ATG9B: variants seen among roughly 807,000 people sequenced by gnomAD.
The protein encoded by ATG9B is autophagy related 9B.
A neutral mutation model predicts 92.9 loss-of-function variants in ATG9B; 92 were observed. That is an observed-to-expected ratio of 0.99 (90% CI 0.84 to 1.18). The LOEUF is 1.18. ATG9B is among the 50% of genes most tolerant of loss of function. ATG9B has a pLI of 0.00. For missense variants in ATG9B, 1,344 were observed against 1,235.0 expected, an observed-to-expected ratio of 1.09 and a Z score of -1.32; for synonymous variants, 599 against 551.4, an observed-to-expected ratio of 1.09 and a Z score of -1.21.
chr7:151,014,003 G>A (rs370804544), downstream of ATG9B: 92 of 1,611,724 alleles, frequency 5.7e-5, no homozygotes, highest in Non-Finnish European at 1.6e-5. Context: ...GCTCTTTTCC[G>A]ACAGGATCAG....
intron 10 of ATG9B, 58 bp from the exon 11 acceptor site, chr7:151,016,585 G>GGAC: frequency 6.5e-7 from 1 of 1,545,244 alleles, no homozygotes. Context: ...ACACCCCAGA[G>GGAC]GACTCCCCTT....
At position 151,022,990 on chromosome 7, in the gene ATG9B, T is replaced by C. The variant is rs538111765; in HGVS notation, c.821+55A>G. 2.0e-5 allele frequency: 32 copies of C among 1,607,516 alleles called. No individual in the cohort carries two copies. In the East Asian group the frequency reaches 6.9e-4, roughly 35 times the overall value. On this transcript the variant is annotated intron_variant, in intron 4 of 13. Coordinates refer to ENST00000639579, the MANE Select transcript of ATG9B (RefSeq NM_001317056.2). ...GGGACAAAGTGGGGCTCCCGTCTAC[T>C]CCTCTACCCACTGCCCATGCTTCAC... is the stretch of plus-strand genomic sequence containing the variant.
At chr7:151,021,775 G>C (rs1278413290) in intron 4 of ATG9B, among the ~76,000 whole-genome samples, 1 of 151,536 alleles carries the variant, frequency 6.6e-6, no homozygotes, top group African/African-American at 2.4e-5. Flanking sequence ...TCAGCCTCCA[G>C]GGTAGCTGGG....
rs139237488 is a variant in ATG9B at position 151,017,075 on chromosome 7, G to T, written c.2250C>A (p.Pro750=). 2 of 1,606,728 alleles carry T rather than the reference G, an allele frequency of 1.2e-6. No homozygotes were observed. The highest frequency in any genetic ancestry group is 1.3e-5 in the African/African-American group (1 of 74,726). ...AAWGATSARG[P]STPGVLSNCT... is the part of the protein sequence containing the mutation. ...AGTTGCTGAGCACCCCCGGGGTGGA[G>T]GGGCCGCGAGCCGAGGTGGCACCCC... The change falls in exon 9 of 14, where the codon CCC becomes CCA. Residue 750 remains proline, a synonymous_variant. Transcript: ENST00000639579.
chr7:151,015,012 G>C (rs1224607585), downstream of ATG9B: 2 of 152,176 alleles, frequency 1.3e-5, no homozygotes, highest in Non-Finnish European at 2.9e-5. Context: ...CACGCCACTT[G>C]ACCCTGCACT....
chr7:151,022,551 TA>T (rs1416503748), intron 4 of ATG9B, among the ~76,000 whole-genome samples: 2 of 151,670 alleles, frequency 1.3e-5, no homozygotes, highest in African/African-American at 4.8e-5. Flanking sequence ...GCACTGTAAT[TA>T]AGATACACTT....
rs1201360311 is a variant in ATG9B at position 151,016,732 on chromosome 7, T to A, written c.2379A>T (p.Thr793=). ...GGGAAATGGAGGCAAGGAGGCTGGC[T>A]GTGGCCGCAGCTGGACAGGGGGCTG... ...SPTAPCPAAA[T]ASLLASISRI... is the part of the protein sequence containing the mutation. The change falls in exon 10 of 14, where the codon ACA becomes ACT. Residue 793 remains threonine, a synonymous_variant. Transcript: ENST00000639579. 4 of 1,611,532 alleles carry A rather than the reference T, an allele frequency of 2.5e-6. No individual in the cohort carries two copies. The highest frequency in any genetic ancestry group is 3.3e-5 in the Admixed American group (2 of 59,780).
Position 151,024,104 on chromosome 7 carries a change from G to C in ATG9B, c.320C>G (p.Pro107Arg). 1 of 1,606,184 alleles carries C rather than the reference G, an allele frequency of 6.2e-7. No individual in the cohort carries two copies. The highest frequency in any genetic ancestry group is 8.5e-7 in the Non-Finnish European group (1 of 1,176,400). Residue 107 changes from proline to arginine, a missense_variant, in exon 1 of 14, where the codon CCT (proline) becomes CGT (arginine). Coordinates refer to ENST00000639579, the MANE Select transcript of ATG9B (RefSeq NM_001317056.2). ...PPTQAQPAMTPASASPSWGSH... is the reference protein window; with the variant it reads ...PPTQAQPAMTRASASPSWGSH... ...TCCCCAGGAGGGAGATGCAGAGGCAGGTGTCATTGCAGGTTGAGCCTGTGT... is the reference window on the plus strand; with the variant it reads ...TCCCCAGGAGGGAGATGCAGAGGCACGTGTCATTGCAGGTTGAGCCTGTGT...
Position 151,017,232 on chromosome 7 carries a change from C to G in ATG9B, c.2093G>C (p.Arg698Pro), listed in dbSNP as rs759302035. Reference protein sequence around the residue: ...AGQTEASLSQRAEDGKTELSL... With the variant: ...AGQTEASLSQPAEDGKTELSL... The stretch of plus-strand genomic sequence containing the variant: ...AAGCTCAGTCTTGCCGTCCTCCGCA[C>G]GCTGAGACAGCGAGGCCTCAGTCTG... The change falls in exon 9 of 14, where the codon CGT (arginine) becomes CCT (proline). Residue 698 changes from arginine to proline, a missense_variant. Arg to Pro is a moderately radical substitution (Grantham distance 103). Transcript: ENST00000639579. 12 of 1,608,296 alleles carry G rather than the reference C, an allele frequency of 7.5e-6. No individual in the cohort carries two copies. In the South Asian group the frequency reaches 1.2e-4, roughly 16 times the overall value.
downstream of ATG9B, chr7:151,013,840 GC>G (rs777795197): frequency 6.2e-7 from 1 of 1,605,884 alleles, no homozygotes. Flanking sequence ...CCAACGTCCT[GC>G]AGACCGTGCA....
rs201470938 is a variant in ATG9B at position 151,018,208 on chromosome 7, CCAGACAGACCCTCCGCG to C, written c.1872+69_1872+85del. On this transcript the variant is annotated intron_variant, in intron 7 of 13. Transcript: ENST00000639579. This position sits in a 1 kb window ranked among gnomAD's most constrained non-coding sequence, Gnocchi z 4.7. ...TAGTCCGTTTGTCTCATGCCCTCTCCCAGACAGACCCTCCGCGCAGACAGACCCTCCGCGCAGACAGA... is the reference window on the plus strand; with the variant it reads ...TAGTCCGTTTGTCTCATGCCCTCTCCCAGACAGACCCTCCGCGCAGACAGA... 4.7e-3 allele frequency: 7,073 copies of C among 1,493,152 alleles called. 88 individuals are homozygous for C. The highest frequency in any genetic ancestry group is 0.044 in the African/African-American group (3,141 of 70,924). The allele number at this position is 1,493,152 out of a possible 1,614,324, so 92.5% of individuals were successfully genotyped here. A position where few individuals can be genotyped will look rare whatever the true frequency, so the allele number is the denominator to read the frequency against.
At chr7:151,012,596 C>G, downstream of ATG9B, 1 of 1,238,938 alleles carries the variant, frequency 8.1e-7, no homozygotes, top group Non-Finnish European at 1.1e-6. Context: ...GCTGAAAAGA[C>G]GCTCATGAGA....
Position 151,015,882 on chromosome 7 carries a change from C to T in ATG9B, c.*14G>A. ...TCCCCTCACAGGAGGCAATACTGAC[C>T]CTGAGGAGTCGTCTCAGTCAGTGCA... On this transcript the variant is annotated splice_region_variant and 3_prime_UTR_variant, in exon 13 of 14. Transcript: ENST00000639579. 2 of 1,550,634 alleles carry T rather than the reference C, an allele frequency of 1.3e-6. No homozygotes were observed. The highest frequency in any genetic ancestry group is 1.7e-6 in the Non-Finnish European group (2 of 1,146,512).
intron 4 of ATG9B, among the ~76,000 whole-genome samples, chr7:151,021,833 TAG>T (rs10543515): frequency 0.2 from 30,222 of 151,684 alleles, 3,438 homozygotes; most frequent in East Asian, 0.35. Context: ...TATATTTTAG[TAG>T]AGACAGGGTT....
downstream of ATG9B, chr7:151,014,067 A>G (rs1795382271): frequency 6.2e-7 from 1 of 1,613,752 alleles, no homozygotes; most frequent in African/African-American, 1.3e-5. Flanking sequence ...AGGAGGTGAC[A>G]AGCCGCATAC....
Position 151,018,888 on chromosome 7 carries a change from G to GGCGGGACCAGCCGC in ATG9B, c.1436_1449dup (p.Leu484AlafsTer75). 1 of 1,441,692 alleles carries GGCGGGACCAGCCGC rather than the reference G, an allele frequency of 6.9e-7. No individual in the cohort carries two copies. Among genetic ancestry groups the GGCGGGACCAGCCGC allele is most frequent in the Non-Finnish European group, 9.0e-7 (1 of 1,107,176 alleles). 89.3% of individuals were successfully genotyped at this position (1,441,692 alleles called of 1,614,324 possible). The stretch of plus-strand genomic sequence containing the variant: ...AAGTGGCGCAGCTGCAAGCGCGCCA[G>GGCGGGACCAGCCGC]GCGGGACCAGCCGCGCGCCCCCAGC... On this transcript the variant is annotated frameshift_variant, in exon 6 of 14. Coordinates refer to ENST00000639579, the MANE Select transcript of ATG9B (RefSeq NM_001317056.2). LOFTEE classifies it high-confidence loss of function. The surrounding 1 kb of genome is among the most constrained non-coding windows in gnomAD (Gnocchi z 4.7).
chr7:151,013,940 C>T (rs754182775), downstream of ATG9B: 3 of 1,600,060 alleles, frequency 1.9e-6, no homozygotes, highest in African/African-American at 2.7e-5. Context: ...CGGGCCGGGC[C>T]TGAGCGTGCG....
At chr7:151,023,757 C>T (rs767498815) in intron 1 of ATG9B, 27 bp from the exon 2 acceptor site, 1 of 1,613,852 alleles carries the variant, frequency 6.2e-7, no homozygotes, top group South Asian at 1.1e-5. Flanking sequence ...GAGTGTCAGC[C>T]CCTGGCATGT....
In ATG9B at chr7:151,015,736, G is replaced by A; in HGVS notation, c.*15-23C>T. 4 of 1,145,706 alleles carry A rather than the reference G, an allele frequency of 3.5e-6. 1 individual carries two copies. Among genetic ancestry groups the A allele is most frequent in the South Asian group, 4.2e-5 (2 of 47,064 alleles). The allele number at this position is 1,145,706 out of a possible 1,614,324, so 71.0% of individuals were successfully genotyped here. A position where few individuals can be genotyped will look rare whatever the true frequency, so the allele number is the denominator to read the frequency against. ...TACCTGTGGGAGGAGACGGCTCTTG[G>A]CAAGCAGTCCAGGGGTCTAGATTCC... On this transcript the variant is annotated intron_variant, in intron 13 of 13. Coordinates refer to ENST00000639579, the MANE Select transcript of ATG9B (RefSeq NM_001317056.2).
Sources: gnomAD v4.1 joint callset for allele counts (sites outside exome capture counted in the v4.1 genomes callset) on GRCh38, gnomAD v4.1.1 for gene constraint, Gnocchi (gnomAD v3.1) non-coding constraint, MANE v1.5 for transcripts, NCBI Gene and HGNC (gene_info 2026-07-23, HGNC 2026-07-21) for gene names.